The following DNAH8 variants were observed in gnomAD, a reference collection of about 807,000 sequenced individuals.
DNAH8 encodes axonemal beta dynein heavy chain 8.
Under a neutral mutation model 562.1 loss-of-function variants are expected in DNAH8, and 382 were observed. That is an observed-to-expected ratio of 0.68 (90% CI 0.63 to 0.74). The LOEUF (loss-of-function observed/expected upper bound fraction) is 0.74, where lower values mean the gene tolerates loss of function less well. Among genes scored for constraint, DNAH8 ranks in the 30% least tolerant of loss-of-function variants. The pLI is 0.00. For missense variants in DNAH8, 5,203 were observed against 5,620.4 expected (o/e 0.93, Z 2.37); for synonymous variants, 1,881 against 1,919.4 (o/e 0.98, Z 0.52).
At chr6:39,010,828 T>C (rs937467271) in intron 89 of DNAH8, among the ~76,000 whole-genome samples, 80 of 42,690 alleles carry the variant, frequency 1.9e-3, no homozygotes, top group Non-Finnish European at 2.5e-3. Flanking sequence ...CACGTATGTA[T>C]GTATGTATGT....
intron 24 of DNAH8, among the ~76,000 whole-genome samples, chr6:38,809,339 C>T (rs1286354444): frequency 6.6e-6 from 1 of 152,164 alleles, no homozygotes; most frequent in Non-Finnish European, 1.5e-5. Context: ...TTCCCTACTT[C>T]ATAATGTCTT....
intron 21 of DNAH8, among the ~76,000 whole-genome samples, chr6:38,792,973 G>A (rs1285651311): frequency 6.6e-6 from 1 of 151,898 alleles, no homozygotes; most frequent in South Asian, 2.1e-4. Context: ...GTAGAGACAG[G>A]GTTTCACCAT....
chr6:38,852,950 T>G, intron 40 of DNAH8, 152 bp downstream of exon 40: 1 of 712,006 alleles, frequency 1.4e-6, no homozygotes, highest in Non-Finnish European at 2.3e-6. Context: ...GATAAATCCT[T>G]TAACTTCTCT....
At chr6:38,785,518 T>G (rs750815071) in intron 17 of DNAH8, among the ~76,000 whole-genome samples, 44 of 152,276 alleles carry the variant, frequency 2.9e-4, no homozygotes, top group Admixed American at 1.7e-3. Context: ...GATTTATTTA[T>G]TTATTTATTT....
At chr6:38,866,413 G>A (rs963145169) in intron 45 of DNAH8, among the ~76,000 whole-genome samples, 178 bp from the exon 46 acceptor site, 1 of 152,034 alleles carries the variant, frequency 6.6e-6, no homozygotes, top group Non-Finnish European at 1.5e-5. Context: ...ATATAAAAGG[G>A]CATATAAATA....
rs538936217 is a variant in DNAH8, at chr6:38,918,037, T to C, written c.10421T>C (p.Phe3474Ser). Reference protein sequence around the residue: ...QPYFNMDDYTFESAKKVCGNV... With the variant: ...QPYFNMDDYTSESAKKVCGNV... Reference sequence around the variant, plus strand: ...TATTTTAATATGGATGATTATACTTTTGAAAGTGCCAAAAAAGTCTGTGGG... The same window carrying C: ...TATTTTAATATGGATGATTATACTTCTGAAAGTGCCAAAAAAGTCTGTGGG... Residue 3474 changes from phenylalanine to serine, a missense_variant, in exon 70 of 93, where the codon TTT becomes TCT. By Grantham distance (155) the Phe-to-Ser change is radical. Transcript: ENST00000327475. The C allele has an allele frequency of 5.8e-5, 94 of 1,613,930 alleles. No homozygotes were observed. The South Asian group carries it at 9.7e-4, about 17-fold the overall frequency.
intron 58 of DNAH8, among the ~76,000 whole-genome samples, chr6:38,892,482 G>C (rs1186050118): frequency 6.6e-6 from 1 of 152,082 alleles, no homozygotes; most frequent in Non-Finnish European, 1.5e-5. Flanking sequence ...CACCATCCTT[G>C]ATTTATGTCT....
intron 76 of DNAH8, 63 bp downstream of exon 76, chr6:38,932,056 A>G (rs1782587822): frequency 1.6e-6 from 2 of 1,267,770 alleles, no homozygotes; most frequent in Non-Finnish European, 2.1e-6. Context: ...GTATTGAGAA[A>G]TTGCTAAGTA....
Position 38,921,500 on chromosome 6 carries a change from G to A in DNAH8, c.10656G>A (p.Glu3552=), listed in dbSNP as rs753197734. Residue 3552 remains glutamate (E), a synonymous_variant, in exon 71 of 93, where the codon GAG becomes GAA. Transcript: ENST00000327475. ...CAAAATTTGATGCAGCAATGAATGA[G>A]AAAATGGTGAGATTAAACATAAAAA... ...VQAKFDAAMN[E]KMDLLNDADT... is the part of the protein sequence containing the mutation. 5.0e-6 allele frequency: 8 copies of A among 1,612,190 alleles called. No individual in the cohort carries two copies. The African/African-American group carries it at 1.1e-4, about 22-fold the overall frequency.
At chr6:38,787,832 G>T (rs1280062023) in intron 18 of DNAH8, among the ~76,000 whole-genome samples, 2 of 151,856 alleles carry the variant, frequency 1.3e-5, no homozygotes, top group East Asian at 1.9e-4. Flanking sequence ...AGTAACATGA[G>T]AAATTCTTTA....
At chr6:38,781,192 T>C in intron 15 of DNAH8, 62 bp from the exon 16 acceptor site, 2 of 1,555,098 alleles carry the variant, frequency 1.3e-6, no homozygotes, top group Non-Finnish European at 1.8e-6. Context: ...TATAGCTGTA[T>C]ATATTTTTTG....
At chr6:38,731,279 G>A (rs894576543) in intron 4 of DNAH8, among the ~76,000 whole-genome samples, 1 of 152,180 alleles carries the variant, frequency 6.6e-6, no homozygotes, top group African/African-American at 2.4e-5. Flanking sequence ...GTTGGAGAAA[G>A]CACTGTTAAC....
intron 16 of DNAH8, 75 bp from the exon 17 acceptor site, chr6:38,782,929 A>T: frequency 3.0e-6 from 4 of 1,325,872 alleles, no homozygotes; most frequent in Non-Finnish European, 4.2e-6. Flanking sequence ...CATTTTACAT[A>T]TAAGTACTTT....
intron 79 of DNAH8, 142 bp downstream of exon 79, chr6:38,939,130 T>A: frequency 1.5e-6 from 1 of 650,740 alleles, no homozygotes; most frequent in Non-Finnish European, 2.5e-6. Flanking sequence ...TTTTAATACC[T>A]TTTTTCTGTT....
chr6:38,817,706 C>T (rs560571423), intron 26 of DNAH8, among the ~76,000 whole-genome samples: 1 of 152,210 alleles, frequency 6.6e-6, no homozygotes, highest in South Asian at 2.1e-4. Context: ...GACTCTTGGG[C>T]AGTGACGAAT....
chr6:38,842,684 A>G lies in DNAH8; in HGVS notation c.4626A>G (p.Gly1542=), dbSNP rs781751388. Residue 1542 remains glycine, a synonymous_variant, in exon 35 of 93, where the codon GGA becomes GGG. Coordinates refer to ENST00000327475, the MANE Select transcript of DNAH8 (RefSeq NM_001206927.2). The part of the protein sequence containing the change: ...FQNRCRKLPK[G]LKDWQAFLDL... Reference sequence around the variant, plus strand: ...AAAGATGTCGTAAACTTCCAAAAGGACTTAAAGATTGGCAAGCTTTTTTGG... The same window carrying G: ...AAAGATGTCGTAAACTTCCAAAAGGGCTTAAAGATTGGCAAGCTTTTTTGG... 1 of 1,613,256 alleles carries G rather than the reference A, an allele frequency of 6.2e-7. No individual in the cohort carries two copies. The highest frequency in any genetic ancestry group is 8.5e-7 in the Non-Finnish European group (1 of 1,179,734).
intron 12 of DNAH8, among the ~76,000 whole-genome samples, chr6:38,772,739 C>T (rs1186760801): frequency 2.6e-5 from 4 of 151,604 alleles, no homozygotes; most frequent in East Asian, 3.9e-4. Flanking sequence ...CTTTTGTTTT[C>T]TTTGTGTTTT....
At chr6:38,910,684 T>A (rs996286483) in intron 65 of DNAH8, among the ~76,000 whole-genome samples, 2 of 152,170 alleles carry the variant, frequency 1.3e-5, no homozygotes, top group Admixed American at 6.6e-5. Context: ...TTTTTCAAAA[T>A]TTTTTATATG....
At chr6:38,942,424 G>A (rs1358683528) in intron 79 of DNAH8, among the ~76,000 whole-genome samples, 5 of 152,132 alleles carry the variant, frequency 3.3e-5, no homozygotes, top group Non-Finnish European at 5.9e-5. Context: ...AGGAGGTCAG[G>A]TGCAAAGATC....
Sources: gnomAD v4.1 joint callset for allele counts (sites outside exome capture counted in the v4.1 genomes callset) on GRCh38, gnomAD v4.1.1 for gene constraint, MANE v1.5 for transcripts, NCBI Gene and HGNC (gene_info 2026-07-23, HGNC 2026-07-21) for gene names.